The following SYNPR variants were observed in gnomAD, a reference collection of about 807,000 sequenced individuals.
The protein encoded by SYNPR is synaptoporin.
A neutral mutation model predicts 32.9 loss-of-function variants in SYNPR; 23 were observed. That is an observed-to-expected ratio of 0.70 (90% CI 0.50 to 0.99). The LOEUF (loss-of-function observed/expected upper bound fraction) is 0.99. Among genes scored for constraint, SYNPR ranks in the 50% least tolerant of loss-of-function variants. The probability of loss-of-function intolerance (pLI) is 0.00; values close to 1 mark genes in which losing one functional copy is unlikely to be tolerated. For synonymous variants in SYNPR, 146 were observed against 135.9 expected (o/e 1.07, Z -0.52); for missense variants, 318 against 349.3 (o/e 0.91, Z 0.71).
intron 2 of SYNPR, among the ~76,000 whole-genome samples, chr3:63,312,876 C>T (rs2086982476): frequency 6.6e-6 from 1 of 151,992 alleles, no homozygotes; most frequent in African/African-American, 2.4e-5. Context: ...CTCCACTCTC[C>T]CCAGGGTGAG....
intron 4 of SYNPR, among the ~76,000 whole-genome samples, chr3:63,585,974 G>A (rs946926065): frequency 6.6e-6 from 1 of 152,006 alleles, no homozygotes; most frequent in Non-Finnish European, 1.5e-5. Flanking sequence ...TTGAGGAATG[G>A]CTTCTAATTT....
intron 3 of SYNPR, among the ~76,000 whole-genome samples, chr3:63,526,548 G>T (rs188317176): frequency 1.7e-4 from 26 of 152,204 alleles, no homozygotes; most frequent in African/African-American, 5.8e-4. Context: ...TTGTATTAAG[G>T]TGTATGTTTA....
chr3:63,547,506 G>C (rs1478536229), intron 3 of SYNPR, among the ~76,000 whole-genome samples: 1 of 152,132 alleles, frequency 6.6e-6, no homozygotes, highest in Non-Finnish European at 1.5e-5. Context: ...GCATAAAGGA[G>C]AATCTTATTC....
chr3:63,258,182 G>C (rs570688271), intron 2 of SYNPR, among the ~76,000 whole-genome samples: 238 of 152,206 alleles, frequency 1.6e-3, no homozygotes, highest in Non-Finnish European at 1.7e-3. Context: ...AGTTAACAAG[G>C]ATATCCAGGA....
intron 2 of SYNPR, among the ~76,000 whole-genome samples, chr3:63,299,946 G>A (rs1310648891): frequency 2.0e-5 from 3 of 152,114 alleles, no homozygotes; most frequent in African/African-American, 7.2e-5. Context: ...GCAGCAGGAT[G>A]AAGCACTTCC....
Position 63,606,074 on chromosome 3 carries a change from A to AG in SYNPR, c.409-3048dup, listed in dbSNP as rs1391805033. Among the ~76,000 whole-genome samples the AG allele has an allele frequency of 2.0e-5, 3 of 152,334 alleles. No individual in the cohort carries two copies. The East Asian group carries it at 5.8e-4, about 29-fold the overall frequency. ...TTTATCCTCACTATCATCCTACAAGAGGGTTACTGTTATTATTTCAACTTA... is the reference window on the plus strand; with the variant it reads ...TTTATCCTCACTATCATCCTACAAGAGGGGTTACTGTTATTATTTCAACTTA... On this transcript the variant is annotated intron_variant, in intron 4 of 5. Transcript: ENST00000478300.
At chr3:63,371,692 T>C (rs563052672) in intron 2 of SYNPR, among the ~76,000 whole-genome samples, 3 of 152,340 alleles carry the variant, frequency 2.0e-5, no homozygotes, top group African/African-American at 7.2e-5. Flanking sequence ...CCAGACTCTT[T>C]TCCACCTGAG....
At chr3:63,396,910 C>G (rs541088049) in intron 2 of SYNPR, among the ~76,000 whole-genome samples, 4 of 152,088 alleles carry the variant, frequency 2.6e-5, no homozygotes, top group African/African-American at 9.7e-5. Context: ...CGAGACCATG[C>G]TGGCTAACAC....
chr3:63,586,335 C>A (rs1703184300), intron 4 of SYNPR, among the ~76,000 whole-genome samples: 1 of 151,626 alleles, frequency 6.6e-6, no homozygotes, highest in Non-Finnish European at 1.5e-5. Context: ...ATCCTTCCCC[C>A]AAACAGAAAA....
At chr3:63,520,616 T>C (rs934253921) in intron 3 of SYNPR, among the ~76,000 whole-genome samples, 3 of 150,332 alleles carry the variant, frequency 2.0e-5, no homozygotes, top group South Asian at 2.1e-4. Flanking sequence ...GAGGTTGCAG[T>C]GAGCTGAGAT....
At chr3:63,262,190 C>G (rs1575579475) in intron 2 of SYNPR, among the ~76,000 whole-genome samples, 1 of 152,010 alleles carries the variant, frequency 6.6e-6, no homozygotes, top group African/African-American at 2.4e-5. Context: ...TACATGCCAC[C>G]GCTGAATTGG....
chr3:63,383,776 A>G (rs570733564), intron 2 of SYNPR, among the ~76,000 whole-genome samples: 3 of 152,336 alleles, frequency 2.0e-5, no homozygotes, highest in Non-Finnish European at 4.4e-5. Flanking sequence ...TTTGCTTCAT[A>G]AAAATCTCCT....
chr3:63,289,245 T>A (rs372874105), intron 2 of SYNPR: 2 of 152,272 alleles, frequency 1.3e-5, no homozygotes, highest in African/African-American at 4.8e-5. Flanking sequence ...TGTTTTTTGT[T>A]CCCATTATTT....
rs144279827 is a variant in SYNPR, at chr3:63,425,579, G to A, written c.85-55253G>A. Among the ~76,000 whole-genome samples the A allele has an allele frequency of 4.5e-3, 687 of 152,128 alleles. 5 individuals carry two copies. The highest frequency in any genetic ancestry group is 0.015 in the African/African-American group (635 of 41,494). On this transcript the variant is annotated intron_variant, in intron 2 of 5. Transcript: ENST00000478300. Reference sequence around the variant, plus strand: ...TAAGCACACTTCCAAGCTCTTGGCAGGGACTATTTTCATTGAATTCTTAGG... The same window carrying A: ...TAAGCACACTTCCAAGCTCTTGGCAAGGACTATTTTCATTGAATTCTTAGG...
intron 3 of SYNPR, among the ~76,000 whole-genome samples, chr3:63,507,012 C>G (rs1309785157): frequency 1.3e-5 from 2 of 152,132 alleles, no homozygotes; most frequent in East Asian, 3.9e-4. Flanking sequence ...CACTGCTACT[C>G]AGCCCTATGA....
chr3:63,258,998 A>G (rs916732296), intron 2 of SYNPR, among the ~76,000 whole-genome samples: 1 of 152,214 alleles, frequency 6.6e-6, no homozygotes, highest in Non-Finnish European at 1.5e-5. Context: ...TCCTGGACAC[A>G]TACACCCTCC....
chr3:63,332,818 A>G (rs951507679), intron 2 of SYNPR, among the ~76,000 whole-genome samples: 3 of 152,150 alleles, frequency 2.0e-5, no homozygotes, highest in Admixed American at 6.5e-5. Context: ...TTTTTAGTCT[A>G]TATTATCCAA....
rs74461194 is a variant in SYNPR at position 63,384,564 on chromosome 3, C to T, written c.85-96268C>T. ...GTTAGGTTTTATCCTAGAAAAGGAA[C>T]GAACAATATGTGCTGACTAAGATAA... On this transcript the variant is annotated intron_variant, in intron 2 of 5. Coordinates refer to ENST00000478300, the MANE Select transcript of SYNPR (RefSeq NM_001130003.2). 8.2e-3 allele frequency among the ~76,000 whole-genome samples: 1,244 copies of T among 152,186 alleles called. 9 individuals carry two copies. Among genetic ancestry groups the T allele is most frequent in the East Asian group, 0.037 (192 of 5,184 alleles).
intron 5 of SYNPR, chr3:63,610,390 T>C: frequency 1.6e-6 from 1 of 606,334 alleles, no homozygotes; most frequent in South Asian, 2.1e-5. Flanking sequence ...AATAGAAGGC[T>C]CAGCAGTGTT....
Sources: allele counts gnomAD v4.1 joint callset (sites outside exome capture counted in the v4.1 genomes callset), GRCh38; gene constraint gnomAD v4.1.1; transcripts MANE v1.5; gene names NCBI Gene and HGNC (gene_info 2026-07-23, HGNC 2026-07-21).